RAPGEF6: variants seen among roughly 807,000 people sequenced by gnomAD.
RAPGEF6 encodes PDZ domain containing guanine nucleotide exchange factor (GEF) 2.
RAPGEF6 carries 56 observed loss-of-function variants against 171.4 expected under a neutral mutation model. That is an observed-to-expected ratio of 0.33 (90% CI 0.26 to 0.41). The LOEUF is 0.41. Among genes scored for constraint, RAPGEF6 ranks in the 10% least tolerant of loss-of-function variants. The pLI is 1.00. For missense variants in RAPGEF6, 1,674 were observed against 1,921.4 expected (o/e 0.87, Z 2.41); for synonymous variants, 692 against 650.1 (o/e 1.06, Z -0.98).
chr5:131,494,474 A>G (rs1321695101), intron 13 of RAPGEF6, among the ~76,000 whole-genome samples: 1 of 152,238 alleles, frequency 6.6e-6, no homozygotes, highest in African/African-American at 2.4e-5. Flanking sequence ...TAGGATATGC[A>G]CTGATAGTGA....
At chr5:131,623,477 C>CTTTTTTT (rs763921579) in intron 1 of RAPGEF6, among the ~76,000 whole-genome samples, 6 of 114,144 alleles carry the variant, frequency 5.3e-5, no homozygotes, top group African/African-American at 1.3e-4. Flanking sequence ...TTTCACATTG[C>CTTTTTTT]TTTTTTTTTT....
At chr5:131,473,506 A>T (rs955885265) in intron 16 of RAPGEF6, among the ~76,000 whole-genome samples, 2 of 152,244 alleles carry the variant, frequency 1.3e-5, no homozygotes, top group African/African-American at 4.8e-5. Context: ...ACTTTTAAGC[A>T]AAACAGTCCT....
chr5:131,551,726 A>G (rs551168340), intron 5 of RAPGEF6, among the ~76,000 whole-genome samples: 1 of 152,294 alleles, frequency 6.6e-6, no homozygotes, highest in South Asian at 2.1e-4. Context: ...AAGGCTTTAC[A>G]GAGTAAAAAT....
At chr5:131,496,337 G>T (rs1289555493) in intron 12 of RAPGEF6, among the ~76,000 whole-genome samples, 1 of 152,112 alleles carries the variant, frequency 6.6e-6, no homozygotes, top group Non-Finnish European at 1.5e-5. Context: ...TGTAAGAAAT[G>T]AGTCATTTTT....
intron 22 of RAPGEF6, among the ~76,000 whole-genome samples, chr5:131,444,172 C>T (rs545205882): frequency 6.6e-5 from 10 of 152,198 alleles, no homozygotes; most frequent in Admixed American, 3.9e-4. Context: ...GCTATAATAG[C>T]TATTATGCTT....
At chr5:131,432,512 G>T (rs1751771424) in intron 25 of RAPGEF6, among the ~76,000 whole-genome samples, 1 of 152,160 alleles carries the variant, frequency 6.6e-6, no homozygotes, top group African/African-American at 2.4e-5. Context: ...CAGCTACTCG[G>T]GAGGCTGAGG....
At position 131,635,143 on chromosome 5, in the gene RAPGEF6, C is replaced by A. The variant is rs564245680; in HGVS notation, c.-113G>T. The A allele has an allele frequency of 2.7e-6, 3 of 1,121,720 alleles. No individual in the cohort carries two copies. In the African/African-American group the frequency reaches 4.7e-5, roughly 18 times the overall value. The allele number at this position is 1,121,720 out of a possible 1,614,324, so 69.5% of individuals were successfully genotyped here. A position where few individuals can be genotyped will look rare whatever the true frequency, so the allele number is the denominator to read the frequency against. On this transcript the variant is annotated 5_prime_UTR_variant, in exon 1 of 28. Coordinates refer to ENST00000509018, the MANE Select transcript of RAPGEF6 (RefSeq NM_016340.6). Reference sequence around the variant, plus strand: ...CCGCCCCAAGGAGGGAACTTCGCGCCGTAACAAGGTCCGAACTCTAGCAAA... The same window carrying A: ...CCGCCCCAAGGAGGGAACTTCGCGCAGTAACAAGGTCCGAACTCTAGCAAA...
intron 1 of RAPGEF6, among the ~76,000 whole-genome samples, chr5:131,631,875 G>T (rs1051552557): frequency 6.6e-6 from 1 of 152,090 alleles, no homozygotes; most frequent in African/African-American, 2.4e-5. Flanking sequence ...AAGAGATTGA[G>T]GCCATCCTGG....
At chr5:131,588,748 A>G (rs1763414520) in intron 4 of RAPGEF6, among the ~76,000 whole-genome samples, 1 of 151,726 alleles carries the variant, frequency 6.6e-6, no homozygotes. Context: ...GTCTTAAAAA[A>G]CAACAACAAC....
chr5:131,540,383 A>T (rs1008043576), intron 6 of RAPGEF6, among the ~76,000 whole-genome samples: 1 of 152,190 alleles, frequency 6.6e-6, no homozygotes, highest in Non-Finnish European at 1.5e-5. Context: ...CCTGGGAAAC[A>T]GCAAGACACT....
At chr5:131,539,807 A>G (rs1416303440) in intron 6 of RAPGEF6, among the ~76,000 whole-genome samples, 1 of 152,244 alleles carries the variant, frequency 6.6e-6, no homozygotes, top group Non-Finnish European at 1.5e-5. Flanking sequence ...GAGAATGGAG[A>G]ACGTGATATA....
chr5:131,445,066 C>T (rs1021929870), intron 22 of RAPGEF6, among the ~76,000 whole-genome samples: 1 of 152,088 alleles, frequency 6.6e-6, no homozygotes, highest in African/African-American at 2.4e-5. Context: ...AAATGTACTC[C>T]CAACCCTTGC....
In RAPGEF6 at chr5:131,451,971, G is replaced by A. The variant is rs538867466; in HGVS notation, c.3200+1083C>T. On this transcript the variant is annotated intron_variant, in intron 21 of 27. Coordinates refer to ENST00000509018, the MANE Select transcript of RAPGEF6 (RefSeq NM_016340.6). ...GAATAGGCCAGGCGCGGTGGCTCAC[G>A]CCTATAATCCCAGCACTTTGGGAGG... Among the ~76,000 whole-genome samples the A allele has an allele frequency of 2.1e-3, 315 of 152,210 alleles. 2 individuals carry two copies. The highest frequency in any genetic ancestry group is 7.4e-3 in the African/African-American group (306 of 41,534).
At chr5:131,519,135 A>C (rs1007142060) in intron 7 of RAPGEF6, among the ~76,000 whole-genome samples, 17 of 152,216 alleles carry the variant, frequency 1.1e-4, no homozygotes, top group African/African-American at 4.1e-4. Flanking sequence ...GAACACCTCC[A>C]ACCAACACCA....
intron 6 of RAPGEF6, among the ~76,000 whole-genome samples, chr5:131,532,398 TAC>T: frequency 6.6e-6 from 1 of 152,184 alleles, no homozygotes; most frequent in East Asian, 1.9e-4. Flanking sequence ...GCTCAGAATA[TAC>T]AGACATATAC....
At chr5:131,464,765 C>T (rs148873869) in intron 17 of RAPGEF6, among the ~76,000 whole-genome samples, 330 of 152,238 alleles carry the variant, frequency 2.2e-3, no homozygotes, top group Middle Eastern at 0.01. Context: ...CTACTTCCTC[C>T]GTGAAAATTC....
At chr5:131,522,871 C>T (rs1758593894) in intron 6 of RAPGEF6, among the ~76,000 whole-genome samples, 1 of 152,124 alleles carries the variant, frequency 6.6e-6, no homozygotes, top group Non-Finnish European at 1.5e-5. Context: ...GTAAATGTCA[C>T]CCAAAAGTAA....
intron 1 of RAPGEF6, among the ~76,000 whole-genome samples, chr5:131,619,789 T>C (rs368127794): frequency 6.6e-6 from 1 of 152,336 alleles, no homozygotes; most frequent in East Asian, 1.9e-4. Context: ...TCTTTCTGGA[T>C]TCTCGTCTTA....
intron 21 of RAPGEF6, among the ~76,000 whole-genome samples, chr5:131,450,777 A>C (rs1420950029): frequency 6.6e-6 from 1 of 152,206 alleles, no homozygotes; most frequent in African/African-American, 2.4e-5. Context: ...GACAAAACTG[A>C]TTCAGGAAAA....
Sources: allele counts gnomAD v4.1 joint callset (sites outside exome capture counted in the v4.1 genomes callset), GRCh38; gene constraint gnomAD v4.1.1; transcripts MANE v1.5; gene names NCBI Gene and HGNC (gene_info 2026-07-23, HGNC 2026-07-21).